ASTN2: variants seen among roughly 807,000 people sequenced by gnomAD.
ASTN2 encodes astrotactin-2.
A neutral mutation model predicts 139.8 loss-of-function variants in ASTN2; 54 were observed. The ratio of observed to expected loss-of-function variants is 0.39; its 90% CI spans 0.31 to 0.48. The LOEUF (loss-of-function observed/expected upper bound fraction) is 0.48, where lower values mean the gene tolerates loss of function less well. ASTN2 is among the 20% of genes least tolerant of loss of function. The pLI, the probability that ASTN2 is intolerant of heterozygous loss-of-function variation, is 0.95. For synonymous variants in ASTN2, 756 were observed against 719.5 expected, an observed-to-expected ratio of 1.05 and a Z score of -0.81; for missense variants, 1,565 against 1,725.1, an observed-to-expected ratio of 0.91 and a Z score of 1.64.
At chr9:117,403,689 C>T (rs1830901887) in intron 1 of ASTN2, among the ~76,000 whole-genome samples, 1 of 152,142 alleles carries the variant, frequency 6.6e-6, no homozygotes, top group Non-Finnish European at 1.5e-5. Flanking sequence ...TCGTGACTTC[C>T]CTGGGTGCAT....
intron 17 of ASTN2, among the ~76,000 whole-genome samples, chr9:116,620,645 T>C (rs1856093437): frequency 6.6e-6 from 1 of 152,112 alleles, no homozygotes; most frequent in Non-Finnish European, 1.5e-5. Context: ...GGAGCCACAA[T>C]GATCACTGAG....
At chr9:117,092,377 T>C (rs1828728216) in intron 5 of ASTN2, among the ~76,000 whole-genome samples, 1 of 152,034 alleles carries the variant, frequency 6.6e-6, no homozygotes, top group African/African-American at 2.4e-5. Context: ...TACTTAGAGA[T>C]TGAAAAAGTG....
chr9:116,841,375 G>A (rs1832253304), intron 11 of ASTN2, among the ~76,000 whole-genome samples: 1 of 150,010 alleles, frequency 6.7e-6, no homozygotes, highest in Admixed American at 6.6e-5. Flanking sequence ...TGGAAAGAGA[G>A]GGAGAGGGAG....
intron 1 of ASTN2, among the ~76,000 whole-genome samples, chr9:117,410,643 A>ATTTTAGCATT (rs1831134158): frequency 6.6e-6 from 1 of 152,170 alleles, no homozygotes; most frequent in African/African-American, 2.4e-5. Context: ...TCTAAGCTGC[A>ATTTTAGCATT]TTTTAGCATT....
intron 1 of ASTN2, among the ~76,000 whole-genome samples, chr9:117,382,173 G>A (rs1296273244): frequency 2.0e-5 from 3 of 152,152 alleles, no homozygotes; most frequent in Non-Finnish European, 4.4e-5. Context: ...TCAAGAAAGT[G>A]TAGAGGGTGC....
intron 1 of ASTN2, among the ~76,000 whole-genome samples, chr9:117,292,145 A>C (rs1834610459): frequency 6.6e-6 from 1 of 152,222 alleles, no homozygotes; most frequent in Non-Finnish European, 1.5e-5. Context: ...TCCTTGGCTT[A>C]AAAATACTGG....
At chr9:117,408,980 T>TC (rs924535400) in intron 1 of ASTN2, among the ~76,000 whole-genome samples, 5 of 151,824 alleles carry the variant, frequency 3.3e-5, no homozygotes, top group Non-Finnish European at 5.9e-5. Flanking sequence ...AAACACCACC[T>TC]CCCCCAAGAC....
intron 14 of ASTN2, among the ~76,000 whole-genome samples, chr9:116,731,096 A>C (rs1828765134): frequency 6.6e-6 from 1 of 151,732 alleles, no homozygotes; most frequent in African/African-American, 2.4e-5. Flanking sequence ...GCTGACTCTC[A>C]TCTTGCCCTC....
intron 3 of ASTN2, among the ~76,000 whole-genome samples, chr9:117,200,188 G>T (rs561649803): frequency 6.6e-6 from 1 of 151,224 alleles, no homozygotes; most frequent in African/African-American, 2.4e-5. Flanking sequence ...CCATTAACTC[G>T]TCATTTAGCA....
At chr9:117,191,926 C>T (rs766509182) in intron 3 of ASTN2, among the ~76,000 whole-genome samples, 17 of 152,042 alleles carry the variant, frequency 1.1e-4, no homozygotes, top group African/African-American at 2.2e-4. Context: ...AAAGGAGAGA[C>T]AGGGAGATGG....
At chr9:116,795,787 G>A (rs1457824689) in intron 13 of ASTN2, among the ~76,000 whole-genome samples, 1 of 152,198 alleles carries the variant, frequency 6.6e-6, no homozygotes, top group African/African-American at 2.4e-5. Context: ...ATGGTTATTG[G>A]GATCCTACTG....
chr9:116,704,494 G>C (rs777587239), intron 16 of ASTN2, among the ~76,000 whole-genome samples: 2 of 152,206 alleles, frequency 1.3e-5, no homozygotes, highest in Non-Finnish European at 2.9e-5. Context: ...TTAAAGGGCT[G>C]TTGTGAGAAT....
rs139454684 is a variant in ASTN2 at position 117,141,376 on chromosome 9, G to T, written c.1118C>A (p.Pro373His). The T allele has an allele frequency of 3.4e-5, 47 of 1,367,498 alleles. No homozygotes were observed. The African/African-American group carries it at 6.8e-4, about 20-fold the overall frequency. The allele number at this position is 1,367,498 out of a possible 1,614,324, so 84.7% of individuals were successfully genotyped here. ...CTTCCCTGCCGATGTGCTGCGCAGG[G>T]GTGGTTGCAGCTGACCGATCTCGAT... ...TPIEIGQLQP[P>H]LRSTSAGKRK... The change falls in exon 4 of 23, where the codon CCC becomes CAC. Residue 373 changes from proline (P) to histidine (H), a missense_variant. Physicochemically the swap from Pro to His is moderately conservative, Grantham distance 77 (BLOSUM62 -2). Around this residue, in one of 4 missense-constraint regions of ASTN2, gnomAD observed 596 missense variants for 576.8 expected, o/e 1.03. Transcript: ENST00000313400.
At chr9:117,031,365 G>A (rs1838241908) in intron 6 of ASTN2, among the ~76,000 whole-genome samples, 1 of 152,080 alleles carries the variant, frequency 6.6e-6, no homozygotes, top group Admixed American at 6.6e-5. Flanking sequence ...ATCACAATAA[G>A]TTAGAACATG....
intron 1 of ASTN2, among the ~76,000 whole-genome samples, chr9:117,320,838 C>T (rs1828303305): frequency 6.6e-6 from 1 of 152,174 alleles, no homozygotes; most frequent in Non-Finnish European, 1.5e-5. Context: ...ATCAGAAGAA[C>T]AGCACTGATT....
Position 116,507,965 on chromosome 9 carries a change from C to T in ASTN2, c.3356-20465G>A, listed in dbSNP as rs539411390. Among the ~76,000 whole-genome samples, 10 of 152,144 alleles carry T rather than the reference C, an allele frequency of 6.6e-5. No homozygotes were observed. The South Asian group carries it at 1.7e-3, about 25-fold the overall frequency. Reference sequence around the variant, plus strand: ...GTACAATGGTGTCATCTTGGCTCACCGCAACCTCCACCTCCTGGGTTCAGG... The same window carrying T: ...GTACAATGGTGTCATCTTGGCTCACTGCAACCTCCACCTCCTGGGTTCAGG... On this transcript the variant is annotated intron_variant, in intron 19 of 22. Transcript: ENST00000313400.
At chr9:117,073,064 A>G (rs976191168) in intron 5 of ASTN2, among the ~76,000 whole-genome samples, 3 of 152,198 alleles carry the variant, frequency 2.0e-5, no homozygotes, top group African/African-American at 7.2e-5. Flanking sequence ...AAAACAGAGA[A>G]AGTCAAAGAT....
At chr9:116,605,310 T>C (rs1855134834) in intron 19 of ASTN2, among the ~76,000 whole-genome samples, 1 of 152,034 alleles carries the variant, frequency 6.6e-6, no homozygotes, top group South Asian at 2.1e-4. Flanking sequence ...CCGGGGCTAG[T>C]GGATAGGGCC....
Position 117,180,900 on chromosome 9 carries a change from A to C in ASTN2, c.1015+33458T>G, listed in dbSNP as rs1477830753. 11 of 1,590,060 alleles carry C rather than the reference A, an allele frequency of 6.9e-6. No individual in the cohort carries two copies. The East Asian group carries it at 2.0e-4, about 29-fold the overall frequency. The stretch of plus-strand genomic sequence containing the variant: ...TGAACTTGGCCCTGCGCAGGGCCTC[A>C]ATTACATGCTCCTTGTTCTGCAGCT... On this transcript the variant is annotated intron_variant, in intron 3 of 22. Transcript: ENST00000313400.
Sources: gnomAD v4.1 joint callset for allele counts (sites outside exome capture counted in the v4.1 genomes callset) on GRCh38, gnomAD v4.1.1 for gene constraint, gnomAD v4.1.1 regional missense constraint, MANE v1.5 for transcripts, NCBI Gene and HGNC (gene_info 2026-07-23, HGNC 2026-07-21) for gene names.